Variants in GARNL3 observed in about 807,000 individuals in gnomAD.
GARNL3 encodes GTPase-activating Rap/Ran-GAP domain-like protein 3.
In GARNL3, 63 loss-of-function variants were observed where a neutral mutation model predicts 125.0. The observed-to-expected ratio is 0.50, with a 90% CI of 0.41 to 0.62. The LOEUF (loss-of-function observed/expected upper bound fraction) is 0.62. Among genes scored for constraint, GARNL3 ranks in the 20% least tolerant of loss-of-function variants. The probability of loss-of-function intolerance (pLI) is 0.00; values close to 1 mark genes in which losing one functional copy is unlikely to be tolerated. For missense variants in GARNL3, 994 were observed against 1,244.0 expected (o/e 0.80, Z 3.02); for synonymous variants, 439 against 457.5 (o/e 0.96, Z 0.52).
chr9:127,274,447 G>C (rs16929732), intron 1 of GARNL3, among the ~76,000 whole-genome samples: 5,580 of 152,226 alleles, frequency 0.037, 343 homozygotes, highest in African/African-American at 0.13. Flanking sequence ...ATGCTCTCTA[G>C]TTTCAAAACC....
Position 127,318,540 on chromosome 9 carries a change from A to G in GARNL3, c.503+413A>G, listed in dbSNP as rs570971265. ...ATAATCAAGAAATATTTTTCCTTCCATTTTTCTACCTTGAAATAGAAACCC... is the reference window on the plus strand; with the variant it reads ...ATAATCAAGAAATATTTTTCCTTCCGTTTTTCTACCTTGAAATAGAAACCC... On this transcript the variant is annotated intron_variant, in intron 5 of 27. Transcript: ENST00000373387. 2.0e-5 allele frequency among the ~76,000 whole-genome samples: 3 copies of G among 152,162 alleles called. No individual in the cohort carries two copies. In the East Asian group the frequency reaches 5.8e-4, roughly 29 times the overall value.
intron 1 of GARNL3, among the ~76,000 whole-genome samples, chr9:127,231,046 ATATATTTTTTT>A (rs1564835293): frequency 4.0e-4 from 18 of 45,230 alleles, no homozygotes; most frequent in Non-Finnish European, 6.6e-4. Flanking sequence ...ATATATATAT[ATATATTTTTTT>A]TTTTTTTTTT....
rs765823754 is a variant in GARNL3, at chr9:127,338,176, T to C, written c.1028+15T>C. The C allele has an allele frequency of 6.9e-6, 11 of 1,585,882 alleles. No individual in the cohort carries two copies. The South Asian group carries it at 1.1e-4, about 16-fold the overall frequency. Reference sequence around the variant, plus strand: ...GACAATTACAGGTAGGTAATGACTTTGTCTCGATTGCTTGTCCTAATTCTC... The same window carrying C: ...GACAATTACAGGTAGGTAATGACTTCGTCTCGATTGCTTGTCCTAATTCTC... On this transcript the variant is annotated intron_variant, in intron 12 of 27. Transcript: ENST00000373387.
intron 22 of GARNL3, among the ~76,000 whole-genome samples, chr9:127,373,535 C>T (rs1831719040): frequency 1.3e-5 from 2 of 152,070 alleles, no homozygotes; most frequent in South Asian, 2.1e-4. Flanking sequence ...GAGGCTGAGG[C>T]AGGAGGATCT....
intron 2 of GARNL3, among the ~76,000 whole-genome samples, chr9:127,299,490 C>T (rs1247702843): frequency 6.6e-6 from 1 of 152,186 alleles, no homozygotes; most frequent in East Asian, 1.9e-4. Flanking sequence ...AACTCTGCCT[C>T]CCAGGTTCAA....
chr9:127,332,954 C>T (rs1375654638), intron 8 of GARNL3, 69 bp from the exon 9 acceptor site: 19 of 1,062,822 alleles, frequency 1.8e-5, no homozygotes, highest in Admixed American at 8.5e-5. Context: ...CCAGCGATTC[C>T]GGTCCATAGT....
At chr9:127,360,395 C>G (rs115838623) in intron 21 of GARNL3, among the ~76,000 whole-genome samples, 5,108 of 152,238 alleles carry the variant, frequency 0.034, 271 homozygotes, top group African/African-American at 0.12. Flanking sequence ...CGTGTACAGC[C>G]CTCCCGTGGT....
chr9:127,296,353 C>T (rs947726743), intron 2 of GARNL3, among the ~76,000 whole-genome samples: 14 of 151,954 alleles, frequency 9.2e-5, no homozygotes, highest in African/African-American at 3.4e-4. Context: ...GCTTCAATAC[C>T]TTCTCCAGTT....
At chr9:127,230,602 A>G (rs1374466362) in intron 1 of GARNL3, among the ~76,000 whole-genome samples, 1 of 151,770 alleles carries the variant, frequency 6.6e-6, no homozygotes, top group Non-Finnish European at 1.5e-5. Flanking sequence ...GCGGTGAGCC[A>G]AGATCGCACC....
At position 127,333,106 on chromosome 9, in the gene GARNL3, G is replaced by C. The variant is rs146957652; in HGVS notation, c.754G>C (p.Gly252Arg). The stretch of plus-strand genomic sequence containing the variant: ...AAAGGGCTGGACGGGCTACCGTGGC[G>C]GTCTGGATACCAAAAGTAAGCCTGC... ...TLKGWTGYRG[G>R]LDTKNDTTGI... Residue 252 changes from glycine to arginine, a missense_variant, in exon 9 of 28, where the codon GGT becomes CGT. Gly to Arg is a moderately radical substitution (Grantham distance 125, BLOSUM62 -2). Coordinates refer to ENST00000373387, the MANE Select transcript of GARNL3 (RefSeq NM_032293.5). 2 of 1,613,416 alleles carry C rather than the reference G, an allele frequency of 1.2e-6. No individual in the cohort carries two copies. Among genetic ancestry groups the C allele is most frequent in the Non-Finnish European group, 1.7e-6 (2 of 1,179,492 alleles).
At chr9:127,319,970 T>C (rs1035837908) in intron 5 of GARNL3, among the ~76,000 whole-genome samples, 4 of 152,222 alleles carry the variant, frequency 2.6e-5, no homozygotes, top group Non-Finnish European at 5.9e-5. Context: ...AAAGATTTTA[T>C]CTTCTTTTGT....
intron 2 of GARNL3, among the ~76,000 whole-genome samples, chr9:127,246,198 T>C (rs1564845523): frequency 6.6e-6 from 1 of 152,062 alleles, no homozygotes; most frequent in Non-Finnish European, 1.5e-5. Flanking sequence ...GATTTGAAAG[T>C]TGGAAAGATA....
At chr9:127,233,700 T>G (rs1027532868) in intron 1 of GARNL3, among the ~76,000 whole-genome samples, 2 of 152,236 alleles carry the variant, frequency 1.3e-5, no homozygotes, top group African/African-American at 4.8e-5. Context: ...TATTGCTCTG[T>G]GCATGGTGGT....
At chr9:127,245,826 T>G (rs2131183262) in intron 2 of GARNL3, among the ~76,000 whole-genome samples, 1 of 152,328 alleles carries the variant, frequency 6.6e-6, no homozygotes, top group Non-Finnish European at 1.5e-5. Flanking sequence ...ACGCACCGCT[T>G]GGAAGTGACA....
Position 127,365,002 on chromosome 9 carries a change from G to A in GARNL3, c.2095-298G>A, listed in dbSNP as rs1831205807. ...TAAACCTGAGGCATTTCAATAGAGA[G>A]AGGAGACATACCAAACACAGAGCTT... On this transcript the variant is annotated intron_variant, in intron 21 of 27. Transcript: ENST00000373387. 2.2e-5 allele frequency: 8 copies of A among 355,730 alleles called. No homozygotes were observed. The East Asian group carries it at 4.0e-4, about 18-fold the overall frequency. 22.0% of individuals were successfully genotyped at this position (355,730 alleles called of 1,614,324 possible).
At chr9:127,291,943 G>A (rs1425351317) in intron 2 of GARNL3, among the ~76,000 whole-genome samples, 3 of 151,846 alleles carry the variant, frequency 2.0e-5, no homozygotes, top group African/African-American at 7.3e-5. Context: ...ATTAGAAACT[G>A]TCTCAAGATT....
At chr9:127,380,200 A>ATGTGTGTGTC (rs1554737663) in intron 22 of GARNL3, among the ~76,000 whole-genome samples, 13 of 141,642 alleles carry the variant, frequency 9.2e-5, no homozygotes, top group African/African-American at 3.2e-4. Context: ...CTCAAAAAAT[A>ATGTGTGTGTC]TGTGTGTGTG....
At position 127,342,248 on chromosome 9, in the gene GARNL3, AC is replaced by A; in HGVS notation, c.1169del (p.Pro390GlnfsTer14). ...TAATGGTGAAAAAGCCACTTTGGAA[AC>A]CCCAACATTTGCCCAGAAACGTCGG... ...LINGEKATLE[T>X]PTFAQKRRRT... On this transcript the variant is annotated frameshift_variant, in exon 14 of 28. Coordinates refer to ENST00000373387, the MANE Select transcript of GARNL3 (RefSeq NM_032293.5). LOFTEE classifies it high-confidence loss of function. 6.2e-7 allele frequency: 1 copy of A among 1,613,742 alleles called. No homozygotes were observed. Among genetic ancestry groups the A allele is most frequent in the Non-Finnish European group, 8.5e-7 (1 of 1,179,670 alleles).
At chr9:127,303,942 G>A (rs1304873882) in intron 2 of GARNL3, among the ~76,000 whole-genome samples, 2 of 152,154 alleles carry the variant, frequency 1.3e-5, no homozygotes, top group African/African-American at 4.8e-5. Flanking sequence ...AAATGATTCA[G>A]GACTTTTGGG....
Sources: allele counts gnomAD v4.1 joint callset (sites outside exome capture counted in the v4.1 genomes callset), GRCh38; gene constraint gnomAD v4.1.1; transcripts MANE v1.5; gene names NCBI Gene and HGNC (gene_info 2026-07-23, HGNC 2026-07-21).